Variants in GPC5 observed in about 807,000 individuals in gnomAD.
GPC5 encodes the protein glypican-5.
In GPC5, 47 loss-of-function variants were observed where a neutral mutation model predicts 53.9. The ratio of observed to expected loss-of-function variants is 0.87; its 90% confidence interval spans 0.69 to 1.11. The LOEUF (loss-of-function observed/expected upper bound fraction) is 1.11. Among genes scored for constraint, GPC5 ranks in the 50% most tolerant of loss-of-function variants. GPC5 has a pLI of 0.00. For synonymous variants in GPC5, 286 were observed against 263.3 expected (o/e 1.09, Z -0.84); for missense variants, 748 against 713.1 (o/e 1.05, Z -0.56).
chr13:92,228,471 T>C (rs1258728980), intron 7 of GPC5, among the ~76,000 whole-genome samples: 1 of 151,956 alleles, frequency 6.6e-6, no homozygotes, highest in Non-Finnish European at 1.5e-5. Context: ...AGAATTTTAA[T>C]AAAATTAAGA....
intron 7 of GPC5, among the ~76,000 whole-genome samples, chr13:92,665,004 T>C (rs566682191): frequency 6.6e-6 from 1 of 151,878 alleles, no homozygotes; most frequent in Non-Finnish European, 1.5e-5. Context: ...TCAATAAATA[T>C]TGTGTTACAA....
At chr13:92,373,376 T>C (rs542817458) in intron 7 of GPC5, among the ~76,000 whole-genome samples, 7 of 152,362 alleles carry the variant, frequency 4.6e-5, no homozygotes, top group African/African-American at 1.7e-4. Flanking sequence ...CTCCATAAAC[T>C]ATAGATTCAT....
At chr13:92,326,469 T>G (rs980871997) in intron 7 of GPC5, among the ~76,000 whole-genome samples, 2 of 152,148 alleles carry the variant, frequency 1.3e-5, no homozygotes, top group Non-Finnish European at 2.9e-5. Flanking sequence ...TGGTAGTTTA[T>G]TGATTGTTTT....
chr13:91,642,805 A>G (rs1040717443), intron 2 of GPC5, among the ~76,000 whole-genome samples: 1 of 152,040 alleles, frequency 6.6e-6, no homozygotes, highest in Non-Finnish European at 1.5e-5. Flanking sequence ...TGGAGAGAAA[A>G]GCCTGGAGGG....
intron 7 of GPC5, among the ~76,000 whole-genome samples, chr13:92,320,768 GC>G (rs1566537438): frequency 6.6e-6 from 1 of 151,926 alleles, no homozygotes; most frequent in Non-Finnish European, 1.5e-5. Context: ...ATTAATTAGG[GC>G]CCCCAAATGT....
At chr13:92,488,987 A>G (rs1269283576) in intron 7 of GPC5, among the ~76,000 whole-genome samples, 1 of 152,202 alleles carries the variant, frequency 6.6e-6, no homozygotes, top group Non-Finnish European at 1.5e-5. Context: ...AGAATTATAT[A>G]CAAGTTCCCA....
At chr13:92,816,764 AG>A (rs1877491360) in intron 7 of GPC5, among the ~76,000 whole-genome samples, 1 of 151,962 alleles carries the variant, frequency 6.6e-6, no homozygotes, top group South Asian at 2.1e-4. Flanking sequence ...CAAGAATGGA[AG>A]GCTTTTAGTC....
chr13:92,643,651 C>G (rs1566338540), intron 7 of GPC5, among the ~76,000 whole-genome samples: 1 of 144,480 alleles, frequency 6.9e-6, no homozygotes, highest in Non-Finnish European at 1.5e-5. Flanking sequence ...ACCGCATATT[C>G]TCACTCATAG....
At chr13:91,540,109 A>G (rs147102314) in intron 2 of GPC5, among the ~76,000 whole-genome samples, 357 of 152,350 alleles carry the variant, frequency 2.3e-3, no homozygotes, top group African/African-American at 8.1e-3. Flanking sequence ...CTTGTTCAAC[A>G]GTACTAGGAC....
chr13:92,809,930 C>A (rs1594522132), intron 7 of GPC5, among the ~76,000 whole-genome samples: 1 of 152,118 alleles, frequency 6.6e-6, no homozygotes, highest in East Asian at 1.9e-4. Context: ...GTAATAGAGT[C>A]TAGCACTGAT....
chr13:92,565,601 C>T (rs1054056663), intron 7 of GPC5, among the ~76,000 whole-genome samples: 1 of 152,032 alleles, frequency 6.6e-6, no homozygotes, highest in Admixed American at 6.6e-5. Context: ...CCCTATCTCT[C>T]AAACTAAGAC....
intron 2 of GPC5, among the ~76,000 whole-genome samples, chr13:91,621,922 C>T (rs923806366): frequency 4.6e-5 from 7 of 151,802 alleles, no homozygotes; most frequent in African/African-American, 1.7e-4. Context: ...AACAGTGCAG[C>T]CTTCAGTCTG....
Position 91,448,907 on chromosome 13 carries a change from G to A in GPC5, c.310G>A (p.Ala104Thr), listed in dbSNP as rs760313251. ...ATTAAAGTTTCTAATATCTCGAAAT[G>A]CGGCTGCTTTTCAAGGTAAGTGGAT... ...STLKFLISRN[A>T]AAFQETLETL... The change falls in exon 2 of 8, where the codon GCG becomes ACG. Residue 104 changes from alanine (A) to threonine (T), a missense_variant. Ala to Thr is a moderately conservative substitution (Grantham distance 58). Transcript: ENST00000377067. 6.2e-7 allele frequency: 1 copy of A among 1,612,978 alleles called. No homozygotes were observed. The highest frequency in any genetic ancestry group is 1.1e-5 in the South Asian group (1 of 90,944).
chr13:92,519,818 C>CA (rs1267432239), intron 7 of GPC5, among the ~76,000 whole-genome samples: 1 of 151,876 alleles, frequency 6.6e-6, no homozygotes, highest in Non-Finnish European at 1.5e-5. Context: ...AAAAACCCTT[C>CA]AAAAAATCAA....
intron 2 of GPC5, chr13:91,486,978 T>C (rs1393381655): frequency 6.6e-6 from 1 of 152,166 alleles, no homozygotes; most frequent in Non-Finnish European, 1.5e-5. Flanking sequence ...GTGACTGATG[T>C]GGGGGCTAGG....
At chr13:91,456,312 T>C (rs1032861995) in intron 2 of GPC5, among the ~76,000 whole-genome samples, 3 of 152,090 alleles carry the variant, frequency 2.0e-5, no homozygotes, top group Non-Finnish European at 4.4e-5. Flanking sequence ...TTAGTATTAG[T>C]TAAATTGAGT....
At chr13:91,771,954 C>T (rs930635878) in intron 5 of GPC5, among the ~76,000 whole-genome samples, 3 of 152,070 alleles carry the variant, frequency 2.0e-5, no homozygotes, top group Non-Finnish European at 4.4e-5. Context: ...AAATGAATTG[C>T]ATAAAGCAGA....
rs1319256727 is a variant in GPC5, at chr13:92,632,511, TATAC to T, written c.1562-233765_1562-233762del. Among the ~76,000 whole-genome samples the T allele has an allele frequency of 1.4e-5, 2 of 148,118 alleles. 1 individual carries two copies. Among genetic ancestry groups the T allele is most frequent in the African/African-American group, 4.9e-5 (2 of 40,408 alleles). ...ACACATATATATATGCACACACACA[TATAC>T]ATACACACACACAAGCTACCTGTAT... On this transcript the variant is annotated intron_variant, in intron 7 of 7. Coordinates refer to ENST00000377067, the MANE Select transcript of GPC5 (RefSeq NM_004466.6).
intron 5 of GPC5, among the ~76,000 whole-genome samples, chr13:91,778,114 A>AT (rs1222587150): frequency 6.6e-6 from 1 of 152,076 alleles, no homozygotes; most frequent in Non-Finnish European, 1.5e-5. Flanking sequence ...TATAAGTAAA[A>AT]TTTTCAGAGA....
Sources: allele counts gnomAD v4.1 joint callset (sites outside exome capture counted in the v4.1 genomes callset), GRCh38; gene constraint gnomAD v4.1.1; transcripts MANE v1.5; gene names NCBI Gene and HGNC (gene_info 2026-07-23, HGNC 2026-07-21).